Variants in CACNB2 observed in about 807,000 individuals in gnomAD.
The protein encoded by CACNB2 is voltage-dependent L-type calcium channel subunit beta-2.
Under a neutral mutation model 73.3 loss-of-function variants are expected in CACNB2, and 42 were observed. The ratio of observed to expected loss-of-function variants is 0.57; its 90% CI spans 0.45 to 0.74. The LOEUF (loss-of-function observed/expected upper bound fraction) is 0.74, where lower values mean the gene tolerates loss of function less well. Ranked by LOEUF, CACNB2 falls within the 30% of genes least tolerant of loss-of-function variation. The probability of loss-of-function intolerance (pLI) is 0.00; values close to 1 mark genes in which losing one functional copy is unlikely to be tolerated. For synonymous variants in CACNB2, 348 were observed against 310.3 expected, an observed-to-expected ratio of 1.12 and a Z score of -1.28; for missense variants, 940 against 853.0, an observed-to-expected ratio of 1.10 and a Z score of -1.27.
At chr10:18,539,165 G>C (rs1307111830) in intron 13 of CACNB2, 65 bp from the exon 14 acceptor site, 2 of 1,606,244 alleles carry the variant, frequency 1.2e-6, no homozygotes, top group Non-Finnish European at 8.5e-7. Flanking sequence ...GAATGCACTT[G>C]CTCTGGGACA....
chr10:18,423,223 A>G (rs1429887537), intron 3 of CACNB2, among the ~76,000 whole-genome samples: 2 of 152,234 alleles, frequency 1.3e-5, no homozygotes, highest in Non-Finnish European at 2.9e-5. Context: ...TTATGTCTCC[A>G]TTCCCAGTGT....
intron 3 of CACNB2, among the ~76,000 whole-genome samples, chr10:18,435,984 T>C (rs1000722527): frequency 3.3e-5 from 5 of 152,212 alleles, no homozygotes; most frequent in Admixed American, 6.5e-5. Flanking sequence ...ATAAATGAGC[T>C]TTTGAAAGTA....
At chr10:18,438,627 C>T (rs1039531034) in intron 3 of CACNB2, among the ~76,000 whole-genome samples, 4 of 152,248 alleles carry the variant, frequency 2.6e-5, no homozygotes, top group Admixed American at 1.3e-4. Flanking sequence ...CCAAAAAGGC[C>T]GTTTCTTCTC....
intron 2 of CACNB2, among the ~76,000 whole-genome samples, chr10:18,218,069 A>G (rs2035584213): frequency 6.6e-6 from 1 of 152,158 alleles, no homozygotes; most frequent in Non-Finnish European, 1.5e-5. Context: ...TTGGGGGAGA[A>G]CTGAATTCTA....
intron 2 of CACNB2, among the ~76,000 whole-genome samples, chr10:18,339,269 C>T (rs1391723785): frequency 6.6e-6 from 1 of 151,952 alleles, no homozygotes; most frequent in Non-Finnish European, 1.5e-5. Flanking sequence ...GCATGTAATC[C>T]CAGCACTTTG....
chr10:18,314,255 T>G (rs556908322), intron 2 of CACNB2, among the ~76,000 whole-genome samples: 110 of 152,200 alleles, frequency 7.2e-4, no homozygotes, highest in Non-Finnish European at 1.4e-3. Flanking sequence ...CGGGGAAAAG[T>G]AAGAGCTGTA....
chr10:18,189,720 A>T (rs1234001339), intron 2 of CACNB2, among the ~76,000 whole-genome samples: 3 of 152,140 alleles, frequency 2.0e-5, no homozygotes, highest in African/African-American at 7.2e-5. Flanking sequence ...TTAGAATTTG[A>T]ATTTTTCAGC....
chr10:18,425,367 T>C (rs1483725701), intron 3 of CACNB2, among the ~76,000 whole-genome samples: 1 of 152,218 alleles, frequency 6.6e-6, no homozygotes, highest in African/African-American at 2.4e-5. Flanking sequence ...TGGGCTCTTG[T>C]TTAAGAAATT....
intron 2 of CACNB2, among the ~76,000 whole-genome samples, chr10:18,225,605 C>A (rs1367087464): frequency 7.7e-6 from 1 of 130,678 alleles, no homozygotes; most frequent in African/African-American, 2.8e-5. Flanking sequence ...TCCTTCCTTT[C>A]TTCCGTCGTT....
At chr10:18,536,573 T>A (rs1482865255) in intron 12 of CACNB2, among the ~76,000 whole-genome samples, 1 of 152,060 alleles carries the variant, frequency 6.6e-6, no homozygotes, top group Admixed American at 6.6e-5. Context: ...GAACTGGCAT[T>A]ATATTTTGAA....
At chr10:18,189,119 G>A (rs1284509159) in intron 2 of CACNB2, among the ~76,000 whole-genome samples, 1 of 152,034 alleles carries the variant, frequency 6.6e-6, no homozygotes, top group Non-Finnish European at 1.5e-5. Flanking sequence ...GTACTACTGT[G>A]TCCAACTACA....
chr10:18,147,458 T>G (rs915465554), intron 1 of CACNB2, among the ~76,000 whole-genome samples: 1 of 152,092 alleles, frequency 6.6e-6, no homozygotes, highest in Non-Finnish European at 1.5e-5. Context: ...TAGTGGAAAT[T>G]AGTGACTTTT....
chr10:18,540,513 G>GCTTGA lies in CACNB2; in HGVS notation c.*795_*799dup, dbSNP rs528559406. ...GTACATACTGTAAATATGTGTGATT[G>GCTTGA]CTTGACTTGAAAAGGTTTGAATTCT... On this transcript the variant is annotated 3_prime_UTR_variant, in exon 14 of 14. Transcript: ENST00000324631. The GCTTGA allele has an allele frequency of 5.3e-3, 811 of 152,618 alleles. 6 individuals are homozygous for GCTTGA. The highest frequency in any genetic ancestry group is 9.9e-3 in the Non-Finnish European group (673 of 67,990). The allele number at this position is 152,618 out of a possible 1,614,324, so 9.5% of individuals were successfully genotyped here. A position where few individuals can be genotyped will look rare whatever the true frequency, so the allele number is the denominator to read the frequency against.
chr10:18,435,382 G>C (rs897245150), intron 3 of CACNB2, among the ~76,000 whole-genome samples: 1 of 152,158 alleles, frequency 6.6e-6, no homozygotes, highest in Non-Finnish European at 1.5e-5. Flanking sequence ...ATTTCTGAGA[G>C]TAGGGTCTTC....
At chr10:18,224,239 A>G (rs1181945230) in intron 2 of CACNB2, 6 of 152,016 alleles carry the variant, frequency 3.9e-5, no homozygotes, top group Non-Finnish European at 7.4e-5. Context: ...TAAACACAGC[A>G]AACTTTCTAA....
intron 11 of CACNB2, 133 bp downstream of exon 11, chr10:18,534,360 G>T (rs923995837): frequency 2.5e-6 from 2 of 816,090 alleles, no homozygotes; most frequent in Admixed American, 2.0e-5. Context: ...TGATAGTCAA[G>T]AATTTTTAAA....
intron 2 of CACNB2, among the ~76,000 whole-genome samples, chr10:18,351,158 T>C (rs1356932690): frequency 6.6e-6 from 1 of 151,992 alleles, no homozygotes; most frequent in Non-Finnish European, 1.5e-5. Flanking sequence ...TTCTTTTTTT[T>C]TTTTTCTTTT....
At chr10:18,358,787 A>G (rs548098817) in intron 2 of CACNB2, among the ~76,000 whole-genome samples, 4 of 152,330 alleles carry the variant, frequency 2.6e-5, no homozygotes, top group South Asian at 2.1e-4. Context: ...GAAACAAACA[A>G]TAGAATAAAA....
At chr10:18,220,239 A>AGGTGGGGG (rs1291259522) in intron 2 of CACNB2, among the ~76,000 whole-genome samples, 1 of 69,438 alleles carries the variant, frequency 1.4e-5, no homozygotes, top group Non-Finnish European at 2.5e-5. Flanking sequence ...ATATAGAGAG[A>AGGTGGGGG]GAGAGAGAGA....
Sources: allele counts gnomAD v4.1 joint callset (sites outside exome capture counted in the v4.1 genomes callset), GRCh38; gene constraint gnomAD v4.1.1; transcripts MANE v1.5; gene names NCBI Gene and HGNC (gene_info 2026-07-23, HGNC 2026-07-21).